DTNB: variants seen among roughly 807,000 people sequenced by gnomAD.
The protein encoded by DTNB is dystrobrevin beta.
Under a neutral mutation model 90.7 loss-of-function variants are expected in DTNB, and 63 were observed. That is an observed-to-expected ratio of 0.69 (90% CI 0.57 to 0.86). The LOEUF (loss-of-function observed/expected upper bound fraction) is 0.86, where lower values mean the gene tolerates loss of function less well. DTNB is among the 40% of genes least tolerant of loss of function. DTNB has a pLI of 0.00. For missense variants in DTNB, 744 were observed against 807.1 expected (o/e 0.92, Z 0.95); for synonymous variants, 277 against 286.7 (o/e 0.97, Z 0.34).
chr2:25,648,857 T>C (rs577359416), intron 2 of DTNB, among the ~76,000 whole-genome samples: 1 of 152,280 alleles, frequency 6.6e-6, no homozygotes, highest in African/African-American at 2.4e-5. Context: ...AATTAGGACA[T>C]ATCAGTTCTT....
chr2:25,414,256 T>G (rs2047325313), intron 16 of DTNB, among the ~76,000 whole-genome samples: 3 of 152,180 alleles, frequency 2.0e-5, no homozygotes, highest in Admixed American at 1.3e-4. Flanking sequence ...TAGTTTTTTT[T>G]TGTTTGTTTG....
At chr2:25,642,468 G>A (rs2078546180) in intron 2 of DTNB, among the ~76,000 whole-genome samples, 1 of 150,796 alleles carries the variant, frequency 6.6e-6, no homozygotes, top group South Asian at 2.1e-4. Context: ...AAGCTGGAAT[G>A]CAGTGGTGCA....
intron 9 of DTNB, among the ~76,000 whole-genome samples, chr2:25,502,611 C>T (rs540271292): frequency 7.2e-5 from 11 of 151,904 alleles, no homozygotes; most frequent in South Asian, 2.1e-4. Context: ...CAGCCAGGCA[C>T]GGTGGCTCAT....
At chr2:25,541,998 A>G (rs1007496983) in intron 8 of DTNB, among the ~76,000 whole-genome samples, 1 of 152,204 alleles carries the variant, frequency 6.6e-6, no homozygotes, top group Non-Finnish European at 1.5e-5. Context: ...CAGTAAATGT[A>G]AGAGATGCTA....
At chr2:25,382,224 T>C (rs2038010905) in intron 19 of DTNB, among the ~76,000 whole-genome samples, 1 of 152,180 alleles carries the variant, frequency 6.6e-6, no homozygotes, top group Non-Finnish European at 1.5e-5. Flanking sequence ...TGCATTTCTC[T>C]CCCCGATAAG....
chr2:25,532,714 T>C (rs2078487611), intron 8 of DTNB, among the ~76,000 whole-genome samples: 1 of 152,246 alleles, frequency 6.6e-6, no homozygotes, highest in South Asian at 2.1e-4. Flanking sequence ...GAGATTTTCT[T>C]GGCAGGATAT....
At chr2:25,405,321 A>T (rs1384090406) in intron 16 of DTNB, among the ~76,000 whole-genome samples, 1 of 152,118 alleles carries the variant, frequency 6.6e-6, no homozygotes, top group Admixed American at 6.5e-5. Context: ...CGGGCAGATC[A>T]CTTGAGGTCA....
intron 16 of DTNB, among the ~76,000 whole-genome samples, chr2:25,389,833 T>G (rs1243959575): frequency 6.7e-6 from 1 of 148,486 alleles, no homozygotes; most frequent in Non-Finnish European, 1.5e-5. Flanking sequence ...CTGTGGTTCT[T>G]ACTTTGAATC....
chr2:25,413,521 T>A (rs1157151946), intron 16 of DTNB, among the ~76,000 whole-genome samples: 1 of 150,582 alleles, frequency 6.6e-6, no homozygotes, highest in Non-Finnish European at 1.5e-5. Flanking sequence ...CGGTGTTTGG[T>A]TTTTTGTTCT....
At chr2:25,582,627 G>T (rs980526647) in intron 6 of DTNB, among the ~76,000 whole-genome samples, 1 of 152,148 alleles carries the variant, frequency 6.6e-6, no homozygotes, top group East Asian at 1.9e-4. Flanking sequence ...GGAACTACTG[G>T]GGGGCGGGAG....
At position 25,629,617 on chromosome 2, in the gene DTNB, T is replaced by C. The variant is rs115181020; in HGVS notation, c.149-1233A>G. ...CAAAACAAAGGTGATGTAACTTTAT[T>C]CGTAACAGGAAAAAAAGGGGGGAGG... is the stretch of plus-strand genomic sequence containing the variant. On this transcript the variant is annotated intron_variant, in intron 3 of 20. Transcript: ENST00000406818. Among the ~76,000 whole-genome samples the C allele has an allele frequency of 6.9e-3, 1,054 of 152,288 alleles. 2 individuals are homozygous for C. The highest frequency in any genetic ancestry group is 0.01 in the Non-Finnish European group (700 of 68,022).
At position 25,424,080 on chromosome 2, in the gene DTNB, T is replaced by G. The variant is rs553685061; in HGVS notation, c.1554+3455A>C. The stretch of plus-strand genomic sequence containing the variant: ...CTGTGTATGACCTTTCAGGTATGCA[T>G]ATAATACAAAAATTAAGATTACGTG... On this transcript the variant is annotated intron_variant, in intron 15 of 20. Transcript: ENST00000406818. This position sits in a 1 kb window ranked among gnomAD's most constrained non-coding sequence, Gnocchi z 4.1. Among the ~76,000 whole-genome samples the G allele has an allele frequency of 5.3e-5, 8 of 152,320 alleles. No individual in the cohort carries two copies. The highest frequency in any genetic ancestry group is 1.4e-4 in the African/African-American group (6 of 41,560).
intron 9 of DTNB, among the ~76,000 whole-genome samples, chr2:25,501,710 C>A (rs547116049): frequency 6.6e-6 from 1 of 152,000 alleles, no homozygotes; most frequent in Non-Finnish European, 1.5e-5. Context: ...AGGGTTCAGA[C>A]AAACTAAAGA....
chr2:25,555,399 A>G (rs372776959), intron 8 of DTNB, among the ~76,000 whole-genome samples: 1 of 152,202 alleles, frequency 6.6e-6, no homozygotes, highest in South Asian at 2.1e-4. Context: ...AAGAAATTAT[A>G]TATTACTTGC....
At chr2:25,536,455 A>C (rs957402320) in intron 8 of DTNB, among the ~76,000 whole-genome samples, 1 of 152,040 alleles carries the variant, frequency 6.6e-6, no homozygotes, top group African/African-American at 2.4e-5. Context: ...CAATCCCAGC[A>C]CCTCGGGAGG....
chr2:25,654,402 C>G (rs1454664228), intron 1 of DTNB, among the ~76,000 whole-genome samples: 8 of 152,138 alleles, frequency 5.3e-5, no homozygotes, highest in African/African-American at 1.9e-4. Context: ...GTCAGGGACA[C>G]TGCTAAACAT....
At chr2:25,534,180 C>G (rs984943570) in intron 8 of DTNB, among the ~76,000 whole-genome samples, 4 of 152,078 alleles carry the variant, frequency 2.6e-5, no homozygotes, top group African/African-American at 9.7e-5. Flanking sequence ...TCCCTGGGTA[C>G]TTGAGATTAG....
intron 16 of DTNB, among the ~76,000 whole-genome samples, chr2:25,409,734 AACCGACGGTCCTTCTCCT>A (rs2046138839): frequency 6.6e-6 from 1 of 152,106 alleles, no homozygotes; most frequent in Non-Finnish European, 1.5e-5. Context: ...CTTCCAAGAG[AACCGACGGTCCTTCTCCT>A]GCCTCCTTTT....
At chr2:25,606,724 T>TA (rs1183409933) in intron 5 of DTNB, among the ~76,000 whole-genome samples, 2 of 151,360 alleles carry the variant, frequency 1.3e-5, no homozygotes, top group East Asian at 1.9e-4. Context: ...GACTAATGGT[T>TA]AAAAAAAAAT....
Sources: gnomAD v4.1 joint callset for allele counts (sites outside exome capture counted in the v4.1 genomes callset) on GRCh38, gnomAD v4.1.1 for gene constraint, Gnocchi (gnomAD v3.1) non-coding constraint, MANE v1.5 for transcripts, NCBI Gene and HGNC (gene_info 2026-07-23, HGNC 2026-07-21) for gene names.